Variants in COL23A1 observed in about 807,000 individuals in gnomAD.
COL23A1 encodes the protein collagen type XXIII alpha 1 chain, also known as collagen alpha-1(XXIII) chain.
A neutral mutation model predicts 99.3 loss-of-function variants in COL23A1; 97 were observed. That is an observed-to-expected ratio of 0.98 (90% CI 0.83 to 1.16). COL23A1 has a LOEUF of 1.16. Among genes scored for constraint, COL23A1 ranks in the 50% most tolerant of loss-of-function variants. COL23A1 has a pLI of 0.00. For missense variants in COL23A1, 762 were observed against 757.4 expected (o/e 1.01, Z -0.07); for synonymous variants, 320 against 308.2 (o/e 1.04, Z -0.40).
intron 2 of COL23A1, among the ~76,000 whole-genome samples, chr5:178,552,206 C>T (rs1762034482): frequency 6.6e-6 from 1 of 152,162 alleles, no homozygotes; most frequent in Non-Finnish European, 1.5e-5. Flanking sequence ...ACCTCTCCTG[C>T]CTTCCTCTAA....
At chr5:178,562,927 A>G (rs1291975961) in intron 1 of COL23A1, among the ~76,000 whole-genome samples, 3 of 151,988 alleles carry the variant, frequency 2.0e-5, no homozygotes, top group Admixed American at 6.6e-5. Context: ...ACAAACCTCT[A>G]GCTAGCTACA....
chr5:178,386,915 C>T (rs1763707271), intron 2 of COL23A1, among the ~76,000 whole-genome samples: 1 of 152,150 alleles, frequency 6.6e-6, no homozygotes, highest in Non-Finnish European at 1.5e-5. Context: ...CTTCCTCGGC[C>T]ATTGCCCAGT....
intron 2 of COL23A1, among the ~76,000 whole-genome samples, chr5:178,538,018 C>T (rs182573845): frequency 1.5e-3 from 222 of 152,354 alleles, no homozygotes; most frequent in African/African-American, 5.2e-3. Flanking sequence ...AATTCATCCA[C>T]GTTTGCAGCC....
chr5:178,472,271 C>G (rs1002558289), intron 2 of COL23A1, among the ~76,000 whole-genome samples: 4 of 152,218 alleles, frequency 2.6e-5, no homozygotes, highest in Middle Eastern at 3.2e-3. Flanking sequence ...TCCTGACTCT[C>G]AGTCGAATCA....
intron 2 of COL23A1, among the ~76,000 whole-genome samples, chr5:178,490,344 C>CA (rs1757861634): frequency 6.6e-6 from 1 of 151,876 alleles, no homozygotes; most frequent in African/African-American, 2.4e-5. Flanking sequence ...ATAAGCCACA[C>CA]AAAAAGGATA....
intron 2 of COL23A1, among the ~76,000 whole-genome samples, chr5:178,380,861 G>A (rs1312499616): frequency 3.3e-5 from 5 of 152,184 alleles, no homozygotes; most frequent in Admixed American, 6.5e-5. Flanking sequence ...CCAGGGCAGC[G>A]GGTGTGGGGA....
In COL23A1 at chr5:178,589,968, C is replaced by A; in HGVS notation, c.230G>T (p.Arg77Leu). 1.5e-6 allele frequency: 2 copies of A among 1,329,222 alleles called. No individual in the cohort carries two copies. The highest frequency in any genetic ancestry group is 3.1e-5 in the East Asian group (1 of 31,752). 82.3% of individuals were successfully genotyped at this position (1,329,222 alleles called of 1,614,324 possible). The change falls in exon 1 of 29, where the codon CGC (arginine) becomes CTC (leucine). Residue 77 changes from arginine to leucine, a missense_variant. Transcript: ENST00000390654. This position sits in a 1 kb window ranked among gnomAD's most constrained non-coding sequence, Gnocchi z 5.4. ...GTCCAGGGCGCCTGGCGGCCCCGCG[C>A]GCCGCAGCAGCTCCCGCTCCTCCTC... ...ALEEERELLR[R>L]AGPPGALDAW...
At chr5:178,427,459 G>A (rs925308079) in intron 2 of COL23A1, among the ~76,000 whole-genome samples, 4 of 152,168 alleles carry the variant, frequency 2.6e-5, no homozygotes, top group Non-Finnish European at 5.9e-5. Flanking sequence ...CCATACAAAA[G>A]CCTGAACACA....
At chr5:178,447,796 G>C (rs915082955) in intron 2 of COL23A1, among the ~76,000 whole-genome samples, 1 of 152,170 alleles carries the variant, frequency 6.6e-6, no homozygotes, top group Non-Finnish European at 1.5e-5. Flanking sequence ...GGAAGGAGGA[G>C]AATATGAAGG....
chr5:178,499,631 C>T (rs778469238), intron 2 of COL23A1, among the ~76,000 whole-genome samples: 4 of 152,210 alleles, frequency 2.6e-5, no homozygotes, highest in East Asian at 1.9e-4. Flanking sequence ...ACGACTGTAA[C>T]GTGGCATCAC....
chr5:178,310,958 AACTGAGGCTGCAAGGGATAGG>A lies in COL23A1; in HGVS notation c.362-4060_362-4040del, dbSNP rs1758637817. ...TGATCTGCTCATGTGGAGAAGGGGAAACTGAGGCTGCAAGGGATAGGACAGGTCTTGCCCACGGATGCTGCT... is the reference window on the plus strand; with the variant it reads ...TGATCTGCTCATGTGGAGAAGGGGAAACAGGTCTTGCCCACGGATGCTGCT... On this transcript the variant is annotated intron_variant, in intron 2 of 28. Transcript: ENST00000390654. This position sits in a 1 kb window ranked among gnomAD's most constrained non-coding sequence, Gnocchi z 4.3. Among the ~76,000 whole-genome samples the A allele has an allele frequency of 6.6e-6, 1 of 152,070 alleles. No homozygotes were observed.
intron 3 of COL23A1, among the ~76,000 whole-genome samples, chr5:178,297,863 G>T (rs531231256): frequency 1.3e-5 from 2 of 152,300 alleles, no homozygotes; most frequent in African/African-American, 4.8e-5. Context: ...CTCTGCACTT[G>T]ACTTCTTGTA....
At chr5:178,249,683 A>AACACACACACACACACAC (rs746295532) in intron 18 of COL23A1, among the ~76,000 whole-genome samples, 7 of 118,376 alleles carry the variant, frequency 5.9e-5, no homozygotes, top group African/African-American at 3.0e-4. Flanking sequence ...TGTATAGGAT[A>AACACACACACACACACAC]ACACACACAC....
intron 2 of COL23A1, among the ~76,000 whole-genome samples, chr5:178,354,738 T>C (rs1761529389): frequency 6.6e-6 from 1 of 152,260 alleles, no homozygotes; most frequent in South Asian, 2.1e-4. Context: ...CCGTACAGAC[T>C]GTGAAAACGC....
At chr5:178,279,480 T>C (rs1331463579) in intron 5 of COL23A1, among the ~76,000 whole-genome samples, 1 of 152,216 alleles carries the variant, frequency 6.6e-6, no homozygotes, top group East Asian at 1.9e-4. Context: ...TTAAGCCTGG[T>C]CCTTCTCAGG....
intron 2 of COL23A1, among the ~76,000 whole-genome samples, chr5:178,374,056 T>C (rs1216700019): frequency 6.6e-6 from 1 of 152,094 alleles, no homozygotes; most frequent in Non-Finnish European, 1.5e-5. Context: ...CACCTTTGAG[T>C]CCAATTTTAC....
At chr5:178,499,553 T>C (rs970695037) in intron 2 of COL23A1, among the ~76,000 whole-genome samples, 2 of 152,200 alleles carry the variant, frequency 1.3e-5, no homozygotes, top group Non-Finnish European at 2.9e-5. Context: ...TCCTCAAAAC[T>C]GTCAAGGTCA....
At chr5:178,427,804 A>AGG (rs1221881712) in intron 2 of COL23A1, among the ~76,000 whole-genome samples, 1 of 151,616 alleles carries the variant, frequency 6.6e-6, no homozygotes, top group East Asian at 1.9e-4. Context: ...GGGCTGGGGG[A>AGG]GGGAGGGATG....
chr5:178,398,767 G>C (rs1764283540), intron 2 of COL23A1, among the ~76,000 whole-genome samples: 1 of 152,182 alleles, frequency 6.6e-6, no homozygotes, highest in Admixed American at 6.5e-5. Context: ...GAAATTAAAA[G>C]GCCTCTTTCA....
Sources: gnomAD v4.1 joint callset for allele counts (sites outside exome capture counted in the v4.1 genomes callset) on GRCh38, gnomAD v4.1.1 for gene constraint, Gnocchi (gnomAD v3.1) non-coding constraint, MANE v1.5 for transcripts, NCBI Gene and HGNC (gene_info 2026-07-23, HGNC 2026-07-21) for gene names.